Variants in SLC17A5 observed in about 807,000 individuals in gnomAD.
SLC17A5 encodes the protein solute carrier family 17 member 5.
SLC17A5 carries 47 observed loss-of-function variants against 59.4 expected under a neutral mutation model. The ratio of observed to expected loss-of-function variants is 0.79; its 90% confidence interval spans 0.63 to 1.01. The LOEUF (loss-of-function observed/expected upper bound fraction) is 1.01. SLC17A5 is among the 50% of genes least tolerant of loss of function. SLC17A5 has a pLI of 0.00. For missense variants in SLC17A5, 522 were observed against 595.5 expected (o/e 0.88, Z 1.28); for synonymous variants, 202 against 210.7 (o/e 0.96, Z 0.36).
rs756051046 is a variant in SLC17A5 at position 73,610,402 on chromosome 6, A to C, written c.1257T>G (p.Pro419=). The part of the protein sequence containing the change: ...GFSINHLDIA[P]SYAGILLGIT... Reference sequence around the variant, plus strand: ...CAAATCTTTATATTAGTACTCACGAAGGAGCAATATCCAGATGGTTGATGC... The same window carrying C: ...CAAATCTTTATATTAGTACTCACGACGGAGCAATATCCAGATGGTTGATGC... The change falls in exon 9 of 11, where the codon CCT becomes CCG. Residue 419 remains proline, a splice_region_variant and synonymous_variant. Transcript: ENST00000355773. 6.2e-7 allele frequency: 1 copy of C among 1,614,026 alleles called. No individual in the cohort carries two copies. The highest frequency in any genetic ancestry group is 8.5e-7 in the Non-Finnish European group (1 of 1,179,928).
At chr6:73,644,315 A>G in intron 2 of SLC17A5, 92 bp downstream of exon 2, 2 of 990,898 alleles carry the variant, frequency 2.0e-6, no homozygotes, top group Non-Finnish European at 3.1e-6. Context: ...AACAAAGTAT[A>G]GTTTCTGTAG....
chr6:73,614,970 G>A (rs615052), intron 8 of SLC17A5, among the ~76,000 whole-genome samples: 64,014 of 151,990 alleles, frequency 0.42, 14,356 homozygotes, highest in African/African-American at 0.57. Context: ...ATTTATAGCC[G>A]GTCAGTCAGA....
intron 10 of SLC17A5, among the ~76,000 whole-genome samples, chr6:73,597,491 A>AC (rs1398735363): frequency 1.6e-4 from 24 of 148,082 alleles, no homozygotes; most frequent in East Asian, 1.0e-3. Flanking sequence ...ACAAAACAAA[A>AC]AAAACCAAGC....
At chr6:73,613,861 G>A (rs1168584460) in intron 8 of SLC17A5, among the ~76,000 whole-genome samples, 1 of 152,154 alleles carries the variant, frequency 6.6e-6, no homozygotes, top group Non-Finnish European at 1.5e-5. Flanking sequence ...GCTCACACCT[G>A]TAATCCTAGC....
At chr6:73,602,492 A>G (rs1301905094) in intron 9 of SLC17A5, among the ~76,000 whole-genome samples, 1 of 152,044 alleles carries the variant, frequency 6.6e-6, no homozygotes, top group Admixed American at 6.6e-5. Flanking sequence ...CATTAGAGGA[A>G]GGCTGGGCGC....
chr6:73,618,496 A>G, intron 7 of SLC17A5: 1 of 494,880 alleles, frequency 2.0e-6, no homozygotes, highest in Non-Finnish European at 3.8e-6. Context: ...TCATGCACAA[A>G]CAGTAGTTTT....
At chr6:73,597,293 C>G (rs1369454960) in intron 10 of SLC17A5, among the ~76,000 whole-genome samples, 1 of 151,198 alleles carries the variant, frequency 6.6e-6, no homozygotes, top group African/African-American at 2.4e-5. Context: ...AGGTGAAACC[C>G]CGTCTCTACT....
At chr6:73,638,009 C>T (rs1769101040) in intron 4 of SLC17A5, among the ~76,000 whole-genome samples, 1 of 151,416 alleles carries the variant, frequency 6.6e-6, no homozygotes, top group Non-Finnish European at 1.5e-5. Flanking sequence ...AAACAGAAAT[C>T]ACAATTTAAG....
chr6:73,597,484 A>C (rs555867160), intron 10 of SLC17A5, among the ~76,000 whole-genome samples: 1 of 148,454 alleles, frequency 6.7e-6, no homozygotes, highest in South Asian at 2.1e-4. Flanking sequence ...AAACAAAACA[A>C]AACAAAAAAA....
chr6:73,612,151 T>G (rs1767662740), intron 8 of SLC17A5, among the ~76,000 whole-genome samples: 1 of 151,680 alleles, frequency 6.6e-6, no homozygotes, highest in Non-Finnish European at 1.5e-5. Context: ...TAGCTGGGAT[T>G]AAAGGCATGT....
At chr6:73,601,258 G>C (rs550776484) in intron 9 of SLC17A5, among the ~76,000 whole-genome samples, 1 of 143,308 alleles carries the variant, frequency 7.0e-6, no homozygotes, top group Non-Finnish European at 1.5e-5. Context: ...GGTGAGGAGC[G>C]TCTCTGCCCA....
At chr6:73,611,173 G>A (rs2150087294) in intron 8 of SLC17A5, among the ~76,000 whole-genome samples, 1 of 152,332 alleles carries the variant, frequency 6.6e-6, no homozygotes, top group Admixed American at 6.5e-5. Context: ...CTTGAGCCCA[G>A]AAGTTCAAGG....
At chr6:73,624,806 G>C (rs1768329590) in intron 6 of SLC17A5, among the ~76,000 whole-genome samples, 1 of 152,096 alleles carries the variant, frequency 6.6e-6, no homozygotes, top group Admixed American at 6.6e-5. Flanking sequence ...TCAGGGAGCG[G>C]AGGTTGCAGT....
At chr6:73,631,388 G>A (rs866574271) in intron 6 of SLC17A5, among the ~76,000 whole-genome samples, 1 of 151,818 alleles carries the variant, frequency 6.6e-6, no homozygotes, top group Non-Finnish European at 1.5e-5. Context: ...AGTGACTGCT[G>A]TGCCCTTACT....
intron 1 of SLC17A5, among the ~76,000 whole-genome samples, chr6:73,649,953 C>T (rs1769768554): frequency 6.6e-6 from 1 of 152,124 alleles, no homozygotes; most frequent in Non-Finnish European, 1.5e-5. Flanking sequence ...TGTGTAACTT[C>T]ATAAGCACTG....
At chr6:73,605,518 A>T (rs4079357) in intron 9 of SLC17A5, among the ~76,000 whole-genome samples, 2 of 152,008 alleles carry the variant, frequency 1.3e-5, no homozygotes, top group Non-Finnish European at 2.9e-5. Flanking sequence ...GAAATAACTG[A>T]TGTGCTTTGA....
At chr6:73,617,186 G>A (rs1767912279) in intron 7 of SLC17A5, among the ~76,000 whole-genome samples, 1 of 152,040 alleles carries the variant, frequency 6.6e-6, no homozygotes, top group Non-Finnish European at 1.5e-5. Flanking sequence ...AGTTACTTGG[G>A]AGGCTGAGGC....
intron 6 of SLC17A5, among the ~76,000 whole-genome samples, chr6:73,634,053 C>G (rs975196936): frequency 1.3e-5 from 2 of 151,938 alleles, no homozygotes; most frequent in African/African-American, 2.4e-5. Context: ...TTCTTTTATT[C>G]TACTCAAAAG....
In SLC17A5 at chr6:73,641,735, C is replaced by T. The variant is rs752278287; in HGVS notation, c.481G>A (p.Val161Ile). 3.4e-5 allele frequency: 55 copies of T among 1,614,142 alleles called. No individual in the cohort carries two copies. In the South Asian group the frequency reaches 5.7e-4, roughly 17 times the overall value. The change falls in exon 3 of 11, where the codon GTT (valine) becomes ATT (isoleucine). Residue 161 changes from valine to isoleucine, a missense_variant. Val to Ile is a conservative substitution (Grantham distance 29). Around this residue, in one of 3 missense-constraint regions of SLC17A5, gnomAD observed 338 missense variants for 363.8 expected, o/e 0.93. Coordinates refer to ENST00000355773, the MANE Select transcript of SLC17A5 (RefSeq NM_012434.5). ...GCTCTGAGTACAATGAGTGGTCCAA[C>T]TCCTAAATCTGCAGCAATGGGAGTG... ...LFTPIAADLG[V>I]GPLIVLRALE...
Sources: gnomAD v4.1 joint callset for allele counts (sites outside exome capture counted in the v4.1 genomes callset) on GRCh38, gnomAD v4.1.1 for gene constraint, gnomAD v4.1.1 regional missense constraint, MANE v1.5 for transcripts, NCBI Gene and HGNC (gene_info 2026-07-23, HGNC 2026-07-21) for gene names.